The following OMG variants were observed in gnomAD, a reference collection of about 807,000 sequenced individuals.
The protein encoded by OMG is oligodendrocyte-myelin glycoprotein.
A neutral mutation model predicts 26.2 loss-of-function variants in OMG; 9 were observed. The observed-to-expected ratio is 0.34, with a 90% CI of 0.21 to 0.60. The LOEUF is 0.60. Ranked by LOEUF, OMG falls within the 20% of genes least tolerant of loss-of-function variation. The pLI is 0.80. For missense variants in OMG, 402 were observed against 513.6 expected, an observed-to-expected ratio of 0.78 and a Z score of 2.10; for synonymous variants, 179 against 190.4, an observed-to-expected ratio of 0.94 and a Z score of 0.49.
intron 1 of OMG, 97 bp from the exon 2 acceptor site, chr17:31,296,434 CGTT>C: frequency 1.8e-6 from 2 of 1,118,826 alleles, no homozygotes; most frequent in South Asian, 2.5e-5. Context: ...CAATAAACCT[CGTT>C]GTTGTCGAGT....
At chr17:31,296,502 C>G (rs1215032359) in intron 1 of OMG, 165 bp from the exon 2 acceptor site, 4 of 678,460 alleles carry the variant, frequency 5.9e-6, no homozygotes, top group Non-Finnish European at 1.1e-5. Context: ...CATTTATAGT[C>G]CAAATGCTTA....
Position 31,295,050 on chromosome 17 carries a change from A to G in OMG, c.1282T>C (p.Phe428Leu). Reference protein sequence around the residue: ...VANAWKVNASFLLLLNVVVML... With the variant: ...VANAWKVNASLLLLLNVVVML... ...ACCACAACATTGAGCAATAAGAGAA[A>G]TGAAGCATTTACTTTCCAAGCATTT... Residue 428 changes from phenylalanine to leucine, a missense_variant, in exon 2 of 2, where the codon TTT (phenylalanine) becomes CTT (leucine). Coordinates refer to ENST00000247271, the MANE Select transcript of OMG (RefSeq NM_002544.5). The G allele has an allele frequency of 6.2e-7, 1 of 1,614,156 alleles. No homozygotes were observed. Among genetic ancestry groups the G allele is most frequent in the Non-Finnish European group, 8.5e-7 (1 of 1,180,002 alleles).
At position 31,295,917 on chromosome 17, in the gene OMG, C is replaced by T. The variant is rs1412630365; in HGVS notation, c.415G>A (p.Val139Ile). 6.2e-7 allele frequency: 1 copy of T among 1,614,076 alleles called. No individual in the cohort carries two copies. Among genetic ancestry groups the T allele is most frequent in the Non-Finnish European group, 8.5e-7 (1 of 1,179,958 alleles). The change falls in exon 2 of 2, where the codon GTC becomes ATC. Residue 139 changes from valine (V) to isoleucine (I), a missense_variant. Val to Ile is a conservative substitution (Grantham distance 29, BLOSUM62 3). Transcript: ENST00000247271. ...CTTCTTAGTGTATTTTTAATGAGGA[C>T]AACCTTTTCCAGCATGTTCTTAGAA... is the stretch of plus-strand genomic sequence containing the variant. ...DVSKNMLEKV[V>I]LIKNTLRSLE...
At position 31,295,335 on chromosome 17, in the gene OMG, G is replaced by A. The variant is rs780576955; in HGVS notation, c.997C>T (p.Pro333Ser). ...TFTSTDKAFVPYPEDTSTETI... is the reference protein window; with the variant it reads ...TFTSTDKAFVSYPEDTSTETI... The stretch of plus-strand genomic sequence containing the variant: ...TCTGTGGATGTATCTTCTGGATAGG[G>A]CACAAAAGCCTTATCAGTGCTAGTA... Residue 333 changes from proline to serine, a missense_variant, in exon 2 of 2, where the codon CCC becomes TCC. Pro to Ser is a moderately conservative substitution (Grantham distance 74). This residue lies in a region of OMG where 247 missense variants were observed against 274.7 expected (regional missense o/e 0.90). Coordinates refer to ENST00000247271, the MANE Select transcript of OMG (RefSeq NM_002544.5). The A allele has an allele frequency of 1.1e-5, 18 of 1,613,960 alleles. No individual in the cohort carries two copies. Among genetic ancestry groups the A allele is most frequent in the Admixed American group, 1.7e-5 (1 of 60,006 alleles).
chr17:31,296,435 G>T, intron 1 of OMG, 98 bp from the exon 2 acceptor site: 1 of 1,118,210 alleles, frequency 8.9e-7, no homozygotes. Flanking sequence ...AATAAACCTC[G>T]TTGTTGTCGA....
Position 31,295,503 on chromosome 17 carries a change from A to T in OMG, c.829T>A (p.Leu277Ile). Residue 277 changes from leucine (L) to isoleucine (I), a missense_variant, in exon 2 of 2, where the codon TTA (leucine) becomes ATA (isoleucine). Transcript: ENST00000247271. ...YPTPSGFTSS[L>I]FTVSGMQTVD... ...GTCTGCATCCCACTTACAGTGAATA[A>T]GCTTGAGGTAAATCCAGAAGGTGTG... 1 of 1,614,196 alleles carries T rather than the reference A, an allele frequency of 6.2e-7. No individual in the cohort carries two copies. Among genetic ancestry groups the T allele is most frequent in the Non-Finnish European group, 8.5e-7 (1 of 1,180,028 alleles).
chr17:31,296,258 A>ATACC lies in OMG; in HGVS notation c.73_74insGGTA (p.Ile25ArgfsTer42). ...TGTGCATATACATTGGAGAGGACAA[A>ATACC]TGCATAAAATACCAGGTGTGAGAAA... On this transcript the variant is annotated frameshift_variant, in exon 2 of 2. Coordinates refer to ENST00000247271, the MANE Select transcript of OMG (RefSeq NM_002544.5). LOFTEE classifies it high-confidence loss of function. 6.2e-7 allele frequency: 1 copy of ATACC among 1,614,144 alleles called. No homozygotes were observed. Among genetic ancestry groups the ATACC allele is most frequent in the Non-Finnish European group, 8.5e-7 (1 of 1,179,986 alleles).
rs186483709 is a variant in OMG at position 31,296,465 on chromosome 17, A to G, written c.-6-128T>C. On this transcript the variant is annotated intron_variant, in intron 1 of 1. Transcript: ENST00000247271. The stretch of plus-strand genomic sequence containing the variant: ...TGTCGAGTCCTTTTATAATTGTTCC[A>G]GTGATTAAACTAACAAAGCTCCCCT... 62 of 865,708 alleles carry G rather than the reference A, an allele frequency of 7.2e-5. No homozygotes were observed. In the East Asian group the frequency reaches 1.3e-3, roughly 18 times the overall value. 53.6% of individuals were successfully genotyped at this position (865,708 alleles called of 1,614,324 possible).
Position 31,295,948 on chromosome 17 carries a change from C to G in OMG, c.384G>C (p.Leu128=). Reference sequence around the variant, plus strand: ...TTTCCAGCATGTTCTTAGAAACATCCAGATATTTAAGATTCCACTGATAAG... The same window carrying G: ...TTTCCAGCATGTTCTTAGAAACATCGAGATATTTAAGATTCCACTGATAAG... ...DTAYQWNLKY[L]DVSKNMLEKV... The change falls in exon 2 of 2, where the codon CTG becomes CTC. Residue 128 remains leucine, a synonymous_variant. Transcript: ENST00000247271. 1.2e-6 allele frequency: 2 copies of G among 1,613,928 alleles called. No homozygotes were observed. The highest frequency in any genetic ancestry group is 1.7e-6 in the Non-Finnish European group (2 of 1,179,952).
chr17:31,294,826 C>T lies in OMG; in HGVS notation c.*183G>A. 1.4e-6 allele frequency: 1 copy of T among 717,236 alleles called. No homozygotes were observed. The highest frequency in any genetic ancestry group is 2.3e-6 in the Non-Finnish European group (1 of 428,696). 44.4% of individuals were successfully genotyped at this position (717,236 alleles called of 1,614,324 possible). A position where few individuals can be genotyped will look rare whatever the true frequency, so the allele number is the denominator to read the frequency against. On this transcript the variant is annotated 3_prime_UTR_variant, in exon 2 of 2. Transcript: ENST00000247271. Reference sequence around the variant, plus strand: ...TAAGACAGTAAAATAGCAGCAAGTACCAAGACATTGTGCATTTCTTTTATT... The same window carrying T: ...TAAGACAGTAAAATAGCAGCAAGTATCAAGACATTGTGCATTTCTTTTATT...
At position 31,296,120 on chromosome 17, in the gene OMG, T is replaced by C; in HGVS notation, c.212A>G (p.His71Arg). ...NLSYNHFTDL[H>R]NQLTQYTNLR... ...ATTGGTATATTGGGTTAACTGGTTA[T>C]GCAGATCAGTAAAGTGGTTATAAGA... The change falls in exon 2 of 2, where the codon CAT becomes CGT. Residue 71 changes from histidine to arginine, a missense_variant. This residue lies in a region of OMG where 90 missense variants were observed against 158.9 expected (regional missense o/e 0.57). Transcript: ENST00000247271. 1 of 1,611,568 alleles carries C rather than the reference T, an allele frequency of 6.2e-7. No individual in the cohort carries two copies. Among genetic ancestry groups the C allele is most frequent in the Non-Finnish European group, 8.5e-7 (1 of 1,178,526 alleles).
chr17:31,295,024 G>C lies in OMG; in HGVS notation c.1308C>G (p.Val436=). The C allele has an allele frequency of 6.2e-7, 1 of 1,614,048 alleles. No individual in the cohort carries two copies. The highest frequency in any genetic ancestry group is 8.5e-7 in the Non-Finnish European group (1 of 1,179,970). ...ASFLLLLNVV[V]MLAV Reference sequence around the variant, plus strand: ...ATGCAGACCCTCAGACAGCCAGCATGACCACAACATTGAGCAATAAGAGAA... The same window carrying C: ...ATGCAGACCCTCAGACAGCCAGCATCACCACAACATTGAGCAATAAGAGAA... Residue 436 remains valine, a synonymous_variant, in exon 2 of 2, where the codon GTC becomes GTG. Transcript: ENST00000247271.
chr17:31,295,564 G>A lies in OMG; in HGVS notation c.768C>T (p.Thr256=). 6.2e-7 allele frequency: 1 copy of A among 1,614,036 alleles called. No homozygotes were observed. The highest frequency in any genetic ancestry group is 8.5e-7 in the Non-Finnish European group (1 of 1,179,964). ...KAHVIGTPCS[T]QISSLKEHNM... The stretch of plus-strand genomic sequence containing the variant: ...TATGTTCCTTTAAAGATGATATTTG[G>A]GTAGAACATGGAGTCCCTATCACAT... Residue 256 remains threonine (T), a synonymous_variant, in exon 2 of 2, where the codon ACC becomes ACT. Transcript: ENST00000247271.
At position 31,294,857 on chromosome 17, in the gene OMG, C is replaced by T. The variant is rs1293548769; in HGVS notation, c.*152G>A. ...CATTGTGCATTTCTTTTATTTAAGA[C>T]AAGTTACTTCATTTACATCAGAGTT... is the stretch of plus-strand genomic sequence containing the variant. On this transcript the variant is annotated 3_prime_UTR_variant, in exon 2 of 2. Coordinates refer to ENST00000247271, the MANE Select transcript of OMG (RefSeq NM_002544.5). The T allele has an allele frequency of 8.3e-6, 8 of 969,552 alleles. No individual in the cohort carries two copies. The highest frequency in any genetic ancestry group is 1.3e-5 in the Non-Finnish European group (8 of 630,132). The allele number at this position is 969,552 out of a possible 1,614,324, so 60.1% of individuals were successfully genotyped here.
chr17:31,295,112 G>A lies in OMG; in HGVS notation c.1220C>T (p.Thr407Ile). Reference sequence around the variant, plus strand: ...TAATGGAGTCTTTACATTTGTGGTTGTCTCTTCCCTCCATAAGTTAAGGGT... The same window carrying A: ...TAATGGAGTCTTTACATTTGTGGTTATCTCTTCCCTCCATAAGTTAAGGGT... ...STTLNLWREETTTNVKTPLPS... is the reference protein window; with the variant it reads ...STTLNLWREEITTNVKTPLPS... Residue 407 changes from threonine to isoleucine, a missense_variant, in exon 2 of 2, where the codon ACA (threonine) becomes ATA (isoleucine). Thr to Ile is a moderately conservative substitution (Grantham distance 89). Transcript: ENST00000247271. 1 of 1,614,164 alleles carries A rather than the reference G, an allele frequency of 6.2e-7. No individual in the cohort carries two copies. The highest frequency in any genetic ancestry group is 8.5e-7 in the Non-Finnish European group (1 of 1,180,002).
In OMG at chr17:31,296,177, C is replaced by T; in HGVS notation, c.155G>A (p.Gly52Glu). The change falls in exon 2 of 2, where the codon GGA becomes GAA. Residue 52 changes from glycine (G) to glutamate (E), a missense_variant. Physicochemically the swap from Gly to Glu is moderately conservative, Grantham distance 98 (BLOSUM62 -2). This residue lies in a region of OMG where 65 missense variants were observed against 80.0 expected (regional missense o/e 0.81). Coordinates refer to ENST00000247271, the MANE Select transcript of OMG (RefSeq NM_002544.5). ...TAAATGTATAATATTCTCTTGCAGT[C>T]CAGATGGTAATGTAGACAAGTTTCT... The part of the protein sequence containing the change: ...SGRNLSTLPS[G>E]LQENIIHLNL... The T allele has an allele frequency of 1.2e-6, 2 of 1,613,150 alleles. No homozygotes were observed. Among genetic ancestry groups the T allele is most frequent in the African/African-American group, 1.3e-5 (1 of 74,958 alleles).
At position 31,295,508 on chromosome 17, in the gene OMG, G is replaced by C. The variant is rs1415177478; in HGVS notation, c.824C>G (p.Ser275Ter). 1 of 1,614,068 alleles carries C rather than the reference G, an allele frequency of 6.2e-7. No homozygotes were observed. Among genetic ancestry groups the C allele is most frequent in the Non-Finnish European group, 8.5e-7 (1 of 1,180,036 alleles). The change falls in exon 2 of 2, where the codon TCA becomes TGA. Residue 275 changes from serine (S) to a stop codon, truncating the protein, a stop_gained. Transcript: ENST00000247271. LOFTEE classifies it high-confidence loss of function. ...CATCCCACTTACAGTGAATAAGCTT[G>C]AGGTAAATCCAGAAGGTGTGGGATA... Reference protein sequence around the residue: ...NMYPTPSGFTSSLFTVSGMQT... With the variant: ...NMYPTPSGFT
Position 31,296,553 on chromosome 17 carries a change from C to T in OMG, c.-6-216G>A. The T allele has an allele frequency of 3.8e-5, 21 of 550,782 alleles. No homozygotes were observed. The South Asian group carries it at 4.3e-4, about 11-fold the overall frequency. The allele number at this position is 550,782 out of a possible 1,614,324, so 34.1% of individuals were successfully genotyped here. A position where few individuals can be genotyped will look rare whatever the true frequency, so the allele number is the denominator to read the frequency against. On this transcript the variant is annotated intron_variant, in intron 1 of 1. Transcript: ENST00000247271. The stretch of plus-strand genomic sequence containing the variant: ...TATGTGGTAGAGAGAGACTCTCTCC[C>T]TACTCTCTCCTGCATTTTCTCCTTT...
Position 31,295,045 on chromosome 17 carries a change from G to C in OMG, c.1287C>G (p.Leu429=). The part of the protein sequence containing the change: ...ANAWKVNASF[L]LLLNVVVMLA... ...GCATGACCACAACATTGAGCAATAA[G>C]AGAAATGAAGCATTTACTTTCCAAG... Residue 429 remains leucine (L), a synonymous_variant, in exon 2 of 2, where the codon CTC becomes CTG. Transcript: ENST00000247271. 1 of 1,614,118 alleles carries C rather than the reference G, an allele frequency of 6.2e-7. No homozygotes were observed. Among genetic ancestry groups the C allele is most frequent in the Non-Finnish European group, 8.5e-7 (1 of 1,179,996 alleles).
Sources: gnomAD v4.1 joint callset for allele counts on GRCh38, gnomAD v4.1.1 for gene constraint, gnomAD v4.1.1 regional missense constraint, MANE v1.5 for transcripts, NCBI Gene and HGNC (gene_info 2026-07-23, HGNC 2026-07-21) for gene names.